The following FEZ1 variants were observed in gnomAD, a reference collection of about 807,000 sequenced individuals.
FEZ1 encodes fasciculation and elongation protein zeta-1.
In FEZ1, 20 loss-of-function variants were observed where a neutral mutation model predicts 49.3. The ratio of observed to expected loss-of-function variants is 0.41; its 90% CI spans 0.29 to 0.59. The LOEUF is 0.59. FEZ1 is among the 20% of genes least tolerant of loss of function. The probability of loss-of-function intolerance (pLI) is 0.36; values close to 1 mark genes in which losing one functional copy is unlikely to be tolerated. For missense variants in FEZ1, 413 were observed against 476.0 expected, an observed-to-expected ratio of 0.87 and a Z score of 1.23; for synonymous variants, 170 against 180.9, an observed-to-expected ratio of 0.94 and a Z score of 0.48.
At chr11:125,454,424 TC>T (rs1956987854) in intron 6 of FEZ1, 1 of 415,732 alleles carries the variant, frequency 2.4e-6, no homozygotes, top group African/African-American at 2.1e-5. Context: ...TCTTAGTAAG[TC>T]CCTCAGGGCT....
At chr11:125,464,736 A>T (rs1324907591) in intron 3 of FEZ1, among the ~76,000 whole-genome samples, 3 of 152,226 alleles carry the variant, frequency 2.0e-5, no homozygotes, top group African/African-American at 7.2e-5. Context: ...AAGAAAAAAA[A>T]AATTAAGCAA....
Position 125,489,906 on chromosome 11 carries a change from A to T in FEZ1, c.-45-84T>A. On this transcript the variant is annotated intron_variant, in intron 1 of 9. Coordinates refer to ENST00000278919, the MANE Select transcript of FEZ1 (RefSeq NM_005103.5). This position sits in a 1 kb window ranked among gnomAD's most constrained non-coding sequence, Gnocchi z 4.2. ...TAACTTTAGAGACACACCTGCTTCCAATTCCCTACTCCAAAAAACAAGGCA... is the reference window on the plus strand; with the variant it reads ...TAACTTTAGAGACACACCTGCTTCCTATTCCCTACTCCAAAAAACAAGGCA... The T allele has an allele frequency of 8.2e-7, 1 of 1,221,948 alleles. No individual in the cohort carries two copies. The highest frequency in any genetic ancestry group is 1.1e-6 in the Non-Finnish European group (1 of 929,238). 75.7% of individuals were successfully genotyped at this position (1,221,948 alleles called of 1,614,324 possible).
chr11:125,485,353 G>T (rs111583726), intron 2 of FEZ1, among the ~76,000 whole-genome samples: 28 of 152,230 alleles, frequency 1.8e-4, no homozygotes, highest in African/African-American at 6.7e-4. Flanking sequence ...GTGGAGGAGG[G>T]TGGAGACTGG....
chr11:125,478,091 T>C (rs1248711785), intron 3 of FEZ1, among the ~76,000 whole-genome samples: 1 of 152,256 alleles, frequency 6.6e-6, no homozygotes, highest in Admixed American at 6.5e-5. Context: ...TTTAATTAAA[T>C]TTCTTAGTGC....
Position 125,452,323 on chromosome 11 carries a change from G to T in FEZ1, c.1096+11C>A, listed in dbSNP as rs757376190. 2 of 1,582,482 alleles carry T rather than the reference G, an allele frequency of 1.3e-6. No homozygotes were observed. Among genetic ancestry groups the T allele is most frequent in the Non-Finnish European group, 1.7e-6 (2 of 1,150,978 alleles). ...GAGCCACTGATCTGGCTGAGAACAAGAGGAACTCACTGTTTGTCAGCATCT... is the reference window on the plus strand; with the variant it reads ...GAGCCACTGATCTGGCTGAGAACAATAGGAACTCACTGTTTGTCAGCATCT... On this transcript the variant is annotated intron_variant, in intron 8 of 9. Coordinates refer to ENST00000278919, the MANE Select transcript of FEZ1 (RefSeq NM_005103.5).
rs533824161 is a variant in FEZ1 at position 125,443,408 on chromosome 11, C to T, written c.*2687G>A. On this transcript the variant is annotated 3_prime_UTR_variant, in exon 10 of 10. Coordinates refer to ENST00000278919, the MANE Select transcript of FEZ1 (RefSeq NM_005103.5). ...CATTGAAGAGTCAAGGATTCAGCAA[C>T]TCTGAAAACCTAGGGCAGAGTTTCT... Among the ~76,000 whole-genome samples, 14 of 152,224 alleles carry T rather than the reference C, an allele frequency of 9.2e-5. No individual in the cohort carries two copies. Among genetic ancestry groups the T allele is most frequent in the Non-Finnish European group, 1.9e-4 (13 of 68,036 alleles).
At chr11:125,464,539 C>A (rs576047601) in intron 3 of FEZ1, among the ~76,000 whole-genome samples, 1 of 152,262 alleles carries the variant, frequency 6.6e-6, no homozygotes, top group African/African-American at 2.4e-5. Context: ...TGGCCCCTTC[C>A]CTGGGGCTTG....
chr11:125,486,072 A>T (rs978799814), intron 2 of FEZ1, among the ~76,000 whole-genome samples: 1 of 152,236 alleles, frequency 6.6e-6, no homozygotes, highest in African/African-American at 2.4e-5. Flanking sequence ...AAGAGAATTA[A>T]ATTTTCTAAA....
intron 5 of FEZ1, among the ~76,000 whole-genome samples, chr11:125,457,281 T>G (rs1445481003): frequency 5.4e-5 from 8 of 147,724 alleles, no homozygotes; most frequent in Non-Finnish European, 1.0e-4. Flanking sequence ...AAAAAAAAAT[T>G]TAGGCCAGGT....
At chr11:125,484,437 A>G (rs141962648) in intron 2 of FEZ1, among the ~76,000 whole-genome samples, 4 of 152,344 alleles carry the variant, frequency 2.6e-5, no homozygotes, top group African/African-American at 4.8e-5. Flanking sequence ...TGTAATTGGC[A>G]TCGGTATGGG....
chr11:125,450,826 T>C (rs750531227), intron 8 of FEZ1, among the ~76,000 whole-genome samples: 8 of 152,172 alleles, frequency 5.3e-5, no homozygotes, highest in Non-Finnish European at 1.0e-4. Flanking sequence ...TACAAAATAT[T>C]AAGTCTGAAA....
intron 7 of FEZ1, chr11:125,452,626 G>A (rs1325545498): frequency 5.6e-6 from 3 of 531,838 alleles, no homozygotes; most frequent in East Asian, 3.0e-5. Flanking sequence ...CCAACTTCTA[G>A]ATTCTTCCTA....
chr11:125,453,949 A>G, intron 7 of FEZ1, 181 bp downstream of exon 7: 1 of 397,204 alleles, frequency 2.5e-6, no homozygotes, highest in Non-Finnish European at 4.4e-6. Flanking sequence ...AAAAAAAAAA[A>G]GTTTGCCTTT....
intron 3 of FEZ1, among the ~76,000 whole-genome samples, chr11:125,475,700 G>C (rs1190602377): frequency 6.6e-6 from 1 of 151,872 alleles, no homozygotes; most frequent in Non-Finnish European, 1.5e-5. Flanking sequence ...ATTTACCTAT[G>C]TAACAAACCT....
At chr11:125,484,917 A>C (rs1957313749) in intron 2 of FEZ1, among the ~76,000 whole-genome samples, 1 of 152,268 alleles carries the variant, frequency 6.6e-6, no homozygotes, top group African/African-American at 2.4e-5. Flanking sequence ...GCAGGGGGAA[A>C]CAGCTTTCTG....
intron 2 of FEZ1, chr11:125,488,794 C>A: frequency 2.0e-6 from 2 of 985,302 alleles, no homozygotes; most frequent in Non-Finnish European, 2.4e-6. Flanking sequence ...TAACATATCA[C>A]CCCCTTCTCT....
intron 6 of FEZ1, 175 bp from the exon 7 acceptor site, chr11:125,454,385 A>G (rs955034593): frequency 5.5e-5 from 26 of 469,916 alleles, no homozygotes; most frequent in Admixed American, 4.0e-5. Flanking sequence ...TGAGCTTTGC[A>G]AGAATAAACA....
chr11:125,452,662 G>A (rs192854061), intron 7 of FEZ1: 6 of 432,566 alleles, frequency 1.4e-5, no homozygotes, highest in African/African-American at 1.2e-4. Flanking sequence ...TGTTATTTAG[G>A]AATCCTGGGG....
intron 3 of FEZ1, among the ~76,000 whole-genome samples, chr11:125,472,998 C>T (rs7103665): frequency 0.34 from 51,378 of 151,516 alleles, 8,976 homozygotes; most frequent in South Asian, 0.49. Flanking sequence ...CTGCTGATTC[C>T]AAGATTTATA....
Sources: allele counts gnomAD v4.1 joint callset (sites outside exome capture counted in the v4.1 genomes callset), GRCh38; gene constraint gnomAD v4.1.1; non-coding constraint Gnocchi (gnomAD v3.1); transcripts MANE v1.5; gene names NCBI Gene and HGNC (gene_info 2026-07-23, HGNC 2026-07-21).